Variants in GTF2A1L observed in about 807,000 individuals in gnomAD.
GTF2A1L encodes the protein general transcription factor IIA subunit 1 like.
Under a neutral mutation model 49.7 loss-of-function variants are expected in GTF2A1L, and 48 were observed. The ratio of observed to expected loss-of-function variants is 0.97; its 90% CI spans 0.77 to 1.23. GTF2A1L has a LOEUF of 1.23. Ranked by LOEUF, GTF2A1L falls within the 50% of genes most tolerant of loss-of-function variation. GTF2A1L has a pLI of 0.00. For synonymous variants in GTF2A1L, 246 were observed against 193.5 expected, an observed-to-expected ratio of 1.27 and a Z score of -2.25; for missense variants, 736 against 564.8, an observed-to-expected ratio of 1.30 and a Z score of -3.07.
At chr2:48,649,660 A>G (rs980847621) in intron 6 of GTF2A1L, among the ~76,000 whole-genome samples, 3 of 152,250 alleles carry the variant, frequency 2.0e-5, no homozygotes, top group Admixed American at 6.5e-5. Context: ...TGCTCAGTGC[A>G]TGTTAGCACT....
chr2:48,621,542 G>A (rs1278279620), intron 3 of GTF2A1L, among the ~76,000 whole-genome samples: 1 of 152,208 alleles, frequency 6.6e-6, no homozygotes, highest in Non-Finnish European at 1.5e-5. Flanking sequence ...TTAGAGGAAA[G>A]TCACATAGTT....
At chr2:48,632,847 T>C (rs183572458) in intron 3 of GTF2A1L, 112 of 231,838 alleles carry the variant, frequency 4.8e-4, no homozygotes, top group African/African-American at 2.5e-3. Flanking sequence ...TAATTGCCAA[T>C]TGGTTAACAT....
At chr2:48,671,497 CCGAGA>C (rs1679164660) in intron 7 of GTF2A1L, 89 bp from the exon 8 acceptor site, 2 of 1,326,950 alleles carry the variant, frequency 1.5e-6, no homozygotes, top group Non-Finnish European at 2.1e-6. Flanking sequence ...AGCCACCACG[CCGAGA>C]CAAGTTCCTT....
intron 3 of GTF2A1L, among the ~76,000 whole-genome samples, chr2:48,629,195 C>T (rs1251487934): frequency 7.1e-6 from 1 of 141,638 alleles, no homozygotes; most frequent in Non-Finnish European, 1.6e-5. Context: ...GAGCCAAGAT[C>T]ATGTCACCGC....
chr2:48,675,825 A>G (rs971121907), intron 8 of GTF2A1L, among the ~76,000 whole-genome samples: 2 of 151,838 alleles, frequency 1.3e-5, no homozygotes, highest in African/African-American at 4.8e-5. Context: ...CTTTATATAT[A>G]CAGAGAGAGA....
intron 6 of GTF2A1L, among the ~76,000 whole-genome samples, chr2:48,654,974 A>G (rs1460172008): frequency 6.6e-6 from 1 of 152,198 alleles, no homozygotes; most frequent in African/African-American, 2.4e-5. Context: ...TGTTTGGGCT[A>G]TTCTAATTCC....
intron 6 of GTF2A1L, among the ~76,000 whole-genome samples, chr2:48,658,092 C>A (rs1313928858): frequency 6.6e-6 from 1 of 152,022 alleles, no homozygotes; most frequent in Non-Finnish European, 1.5e-5. Flanking sequence ...CTGTGCAGAA[C>A]CTCTTTAGTT....
chr2:48,617,864 G>GAGGTGCTGT lies in GTF2A1L; in HGVS notation c.-10_-2dup. On this transcript the variant is annotated 5_prime_UTR_variant, in exon 1 of 9. Coordinates refer to ENST00000403751, the MANE Select transcript of GTF2A1L (RefSeq NM_006872.5). Reference sequence around the variant, plus strand: ...CGCAGGCGCAAAGGGCCAGGTGCTGGAGGTGCTGTCATGGCCTGCCTCAAC... The same window carrying GAGGTGCTGT: ...CGCAGGCGCAAAGGGCCAGGTGCTGGAGGTGCTGTAGGTGCTGTCATGGCCTGCCTCAAC... 2 of 1,551,810 alleles carry GAGGTGCTGT rather than the reference G, an allele frequency of 1.3e-6. No individual in the cohort carries two copies. The highest frequency in any genetic ancestry group is 1.7e-6 in the Non-Finnish European group (2 of 1,147,026).
intron 1 of GTF2A1L, among the ~76,000 whole-genome samples, chr2:48,619,573 A>G (rs1015788631): frequency 6.6e-6 from 1 of 152,136 alleles, no homozygotes; most frequent in East Asian, 1.9e-4. Flanking sequence ...TGAGTACTGA[A>G]TAGGGTAGGA....
chr2:48,654,768 C>A (rs887427303), intron 6 of GTF2A1L, among the ~76,000 whole-genome samples: 2 of 152,154 alleles, frequency 1.3e-5, no homozygotes, highest in Non-Finnish European at 2.9e-5. Flanking sequence ...AGTTAGCTGT[C>A]TGTGCACATT....
chr2:48,662,110 T>A (rs1331457377), intron 6 of GTF2A1L, among the ~76,000 whole-genome samples: 1 of 152,212 alleles, frequency 6.6e-6, no homozygotes, highest in Non-Finnish European at 1.5e-5. Context: ...AATAACCTGT[T>A]TTAATCAGAT....
chr2:48,633,022 A>C (rs1350431380), intron 3 of GTF2A1L: 4 of 240,332 alleles, frequency 1.7e-5, no homozygotes, highest in African/African-American at 9.4e-5. Context: ...CTGTCATAAA[A>C]GGTTTTACTG....
intron 4 of GTF2A1L, among the ~76,000 whole-genome samples, chr2:48,643,768 C>G (rs931046411): frequency 6.9e-6 from 1 of 144,932 alleles, no homozygotes; most frequent in Non-Finnish European, 1.5e-5. Context: ...GGCATGATCT[C>G]GGCTCACTGC....
rs768195958 is a variant in GTF2A1L, at chr2:48,626,992, C to A, written c.247+5702C>A. Among the ~76,000 whole-genome samples the A allele has an allele frequency of 6.3e-5, 9 of 143,796 alleles. 1 individual carries two copies. Among genetic ancestry groups the A allele is most frequent in the Non-Finnish European group, 1.4e-4 (9 of 63,916 alleles). 94.3% of individuals were successfully genotyped at this position (143,796 alleles called of 152,430 possible). Reference sequence around the variant, plus strand: ...TTTTTTTTGTTGATTTTGTATCCTGCAACTTTACTGAGTTCATCCTCTTTA... The same window carrying A: ...TTTTTTTTGTTGATTTTGTATCCTGAAACTTTACTGAGTTCATCCTCTTTA... On this transcript the variant is annotated intron_variant, in intron 3 of 8. Coordinates refer to ENST00000403751, the MANE Select transcript of GTF2A1L (RefSeq NM_006872.5).
intron 6 of GTF2A1L, among the ~76,000 whole-genome samples, chr2:48,658,408 C>G (rs1678299912): frequency 6.6e-6 from 1 of 152,222 alleles, no homozygotes; most frequent in East Asian, 1.9e-4. Flanking sequence ...GATCAGATGG[C>G]TTTAGATGCA....
chr2:48,676,151 A>C (rs766072527), intron 8 of GTF2A1L, among the ~76,000 whole-genome samples: 1 of 151,806 alleles, frequency 6.6e-6, no homozygotes, highest in Non-Finnish European at 1.5e-5. Context: ...TTTTTTCTTT[A>C]AACAACGTAT....
chr2:48,677,805 T>G (rs1302655574), intron 8 of GTF2A1L, among the ~76,000 whole-genome samples: 1 of 151,984 alleles, frequency 6.6e-6, no homozygotes, highest in Non-Finnish European at 1.5e-5. Flanking sequence ...TAGGTAGAAC[T>G]AACACTTACT....
intron 3 of GTF2A1L, among the ~76,000 whole-genome samples, chr2:48,629,464 C>G (rs1377843904): frequency 6.9e-6 from 1 of 144,122 alleles, no homozygotes; most frequent in African/African-American, 2.5e-5. Flanking sequence ...CTGGAGTCAT[C>G]TCAACAATGG....
intron 6 of GTF2A1L, among the ~76,000 whole-genome samples, chr2:48,657,748 T>A (rs1242870490): frequency 7.5e-6 from 1 of 133,372 alleles, no homozygotes; most frequent in Non-Finnish European, 1.6e-5. Context: ...CTCTGCAGCC[T>A]TGCTGGAATC....
Sources: allele counts gnomAD v4.1 joint callset (sites outside exome capture counted in the v4.1 genomes callset), GRCh38; gene constraint gnomAD v4.1.1; transcripts MANE v1.5; gene names NCBI Gene and HGNC (gene_info 2026-07-23, HGNC 2026-07-21).